Variants in STXBP5 observed in about 807,000 individuals in gnomAD.
The protein encoded by STXBP5 is syntaxin binding protein 5, also known as syntaxin-binding protein 5.
A neutral mutation model predicts 152.4 loss-of-function variants in STXBP5; 50 were observed. The observed-to-expected ratio is 0.33, with a 90% confidence interval of 0.26 to 0.42. STXBP5 has a LOEUF of 0.42. Ranked by LOEUF, STXBP5 falls within the 10% of genes least tolerant of loss-of-function variation. The probability of loss-of-function intolerance (pLI) is 1.00; values close to 1 mark genes in which losing one functional copy is unlikely to be tolerated. For missense variants in STXBP5, 1,167 were observed against 1,388.6 expected (o/e 0.84, Z 2.54); for synonymous variants, 492 against 494.7 (o/e 0.99, Z 0.07).
chr6:147,305,206 C>T (rs1782026797), intron 9 of STXBP5, among the ~76,000 whole-genome samples: 1 of 152,064 alleles, frequency 6.6e-6, no homozygotes. Flanking sequence ...CATTTACATA[C>T]GTATTCACAG....
At chr6:147,351,416 C>T (rs1003119382) in intron 21 of STXBP5, among the ~76,000 whole-genome samples, 1 of 152,166 alleles carries the variant, frequency 6.6e-6, no homozygotes, top group Non-Finnish European at 1.5e-5. Flanking sequence ...ATATCATGCA[C>T]ATTGTATAGA....
At chr6:147,267,253 T>C (rs1285319692) in intron 7 of STXBP5, 86 bp downstream of exon 7, 2 of 1,106,102 alleles carry the variant, frequency 1.8e-6, no homozygotes, top group African/African-American at 3.2e-5. Flanking sequence ...AATTTTACTT[T>C]AGGCAAACTT....
At chr6:147,332,864 A>G (rs1469229064) in intron 18 of STXBP5, among the ~76,000 whole-genome samples, 2 of 152,222 alleles carry the variant, frequency 1.3e-5, no homozygotes, top group African/African-American at 4.8e-5. Flanking sequence ...TAACTATATC[A>G]TATAAGTTTA....
chr6:147,314,631 C>T lies in STXBP5; in HGVS notation c.1397C>T (p.Ser466Phe). Residue 466 changes from serine to phenylalanine, a missense_variant, in exon 14 of 28, where the codon TCT becomes TTT. By Grantham distance (155) the Ser-to-Phe change is radical. This residue lies in a region of STXBP5 where 833 missense variants were observed against 986.3 expected (regional missense o/e 0.84). Transcript: ENST00000321680. Reference sequence around the variant, plus strand: ...GGGTCAGTTAAGTTCTGGGATGCTTCTGCAAGTAAGTATTTTTAATATTCA... The same window carrying T: ...GGGTCAGTTAAGTTCTGGGATGCTTTTGCAAGTAAGTATTTTTAATATTCA... ...ADGSVKFWDA[S>F]AITLQVLYKL... is the part of the protein sequence containing the mutation. 6.2e-7 allele frequency: 1 copy of T among 1,606,534 alleles called. No homozygotes were observed. The highest frequency in any genetic ancestry group is 1.3e-5 in the African/African-American group (1 of 74,756).
At chr6:147,361,793 C>T (rs1456137589) in intron 23 of STXBP5, among the ~76,000 whole-genome samples, 1 of 152,098 alleles carries the variant, frequency 6.6e-6, no homozygotes, top group Non-Finnish European at 1.5e-5. Flanking sequence ...CTCATCAAAA[C>T]TTTAAAGGCG....
At chr6:147,361,366 T>G (rs932070893) in intron 23 of STXBP5, among the ~76,000 whole-genome samples, 6 of 152,126 alleles carry the variant, frequency 3.9e-5, no homozygotes, top group African/African-American at 9.7e-5. Context: ...TAAATCAAAT[T>G]AGCTGTAAAG....
At chr6:147,361,399 A>G (rs1785058829) in intron 23 of STXBP5, among the ~76,000 whole-genome samples, 1 of 152,174 alleles carries the variant, frequency 6.6e-6, no homozygotes, top group Non-Finnish European at 1.5e-5. Context: ...TAACTTTCAT[A>G]TGTAAGAAAG....
In STXBP5 at chr6:147,324,994, A is replaced by G; in HGVS notation, c.1838A>G (p.Tyr613Cys). The change falls in exon 17 of 28, where the codon TAT (tyrosine) becomes TGT (cysteine). Residue 613 changes from tyrosine (Y) to cysteine (C), a missense_variant. Tyr to Cys is a radical substitution (Grantham distance 194). Transcript: ENST00000321680. The stretch of plus-strand genomic sequence containing the variant: ...TCACCACTTAAACAGTCTCCAGGTT[A>G]TCAAACAGAACTAGTTATTCAGTTG... The part of the protein sequence containing the change: ...KNSPLKQSPG[Y>C]QTELVIQLVW... The G allele has an allele frequency of 6.3e-7, 1 of 1,597,238 alleles. No homozygotes were observed. The highest frequency in any genetic ancestry group is 8.5e-7 in the Non-Finnish European group (1 of 1,169,786).
chr6:147,327,691 C>T (rs1400045315), intron 18 of STXBP5, among the ~76,000 whole-genome samples: 1 of 152,198 alleles, frequency 6.6e-6, no homozygotes, highest in South Asian at 2.1e-4. Context: ...GATCCCCTGC[C>T]TCAGCCTCCC....
rs112463383 is a variant in STXBP5 at position 147,363,924 on chromosome 6, G to A, written c.2916-77G>A. 82 of 1,487,278 alleles carry A rather than the reference G, an allele frequency of 5.5e-5. No homozygotes were observed. The African/African-American group carries it at 8.1e-4, about 15-fold the overall frequency. 92.1% of individuals were successfully genotyped at this position (1,487,278 alleles called of 1,614,324 possible). ...AAATCATAAGATTTATGAGGTCTCT[G>A]CCATTTTTAACAATGATAGTGTGTT... On this transcript the variant is annotated intron_variant, in intron 24 of 27. Transcript: ENST00000321680.
At chr6:147,287,853 AT>A (rs1208671271) in intron 8 of STXBP5, among the ~76,000 whole-genome samples, 3 of 152,130 alleles carry the variant, frequency 2.0e-5, no homozygotes, top group Admixed American at 6.5e-5. Context: ...TTCTCAAACC[AT>A]TTTTCAAAAA....
intron 27 of STXBP5, among the ~76,000 whole-genome samples, chr6:147,384,226 C>T (rs1227759471): frequency 6.6e-6 from 1 of 152,008 alleles, no homozygotes; most frequent in Admixed American, 6.6e-5. Flanking sequence ...CTTGGGCAAC[C>T]CCTAGAAGCT....
At chr6:147,271,313 T>C (rs1267053690) in intron 7 of STXBP5, among the ~76,000 whole-genome samples, 1 of 152,116 alleles carries the variant, frequency 6.6e-6, no homozygotes, top group East Asian at 1.9e-4. Flanking sequence ...ACTATATTAA[T>C]ATCAACCAAG....
chr6:147,308,399 T>A (rs1782203123), intron 9 of STXBP5, among the ~76,000 whole-genome samples: 1 of 152,184 alleles, frequency 6.6e-6, no homozygotes, highest in African/African-American at 2.4e-5. Context: ...CAATTAGTGC[T>A]AAAAAATAAA....
At chr6:147,260,782 C>A in intron 5 of STXBP5, 33 bp downstream of exon 5, 1 of 1,608,304 alleles carries the variant, frequency 6.2e-7, no homozygotes, top group South Asian at 1.1e-5. Context: ...TATCTGAAAG[C>A]ATCAGTTCTA....
At chr6:147,311,671 C>T (rs1782383836) in intron 11 of STXBP5, 144 bp downstream of exon 11, 2 of 566,134 alleles carry the variant, frequency 3.5e-6, no homozygotes, top group African/African-American at 3.9e-5. Flanking sequence ...TCCAGACTCA[C>T]ATATCTACTT....
At chr6:147,205,548 G>A (rs1393138439) in intron 1 of STXBP5, among the ~76,000 whole-genome samples, 2 of 152,110 alleles carry the variant, frequency 1.3e-5, no homozygotes, top group East Asian at 3.9e-4. Context: ...TTATATGACA[G>A]CTTTTCCTTA....
chr6:147,370,814 G>T (rs887204121), intron 25 of STXBP5, among the ~76,000 whole-genome samples: 1 of 151,914 alleles, frequency 6.6e-6, no homozygotes. Context: ...TTATTGCTGT[G>T]TGTTTATCCT....
intron 2 of STXBP5, among the ~76,000 whole-genome samples, chr6:147,223,290 G>A (rs1020784564): frequency 6.6e-6 from 1 of 152,162 alleles, no homozygotes; most frequent in African/African-American, 2.4e-5. Flanking sequence ...GCTTTGGATT[G>A]CAAGCACATT....
Sources: allele counts gnomAD v4.1 joint callset (sites outside exome capture counted in the v4.1 genomes callset), GRCh38; gene constraint gnomAD v4.1.1; regional missense constraint gnomAD v4.1.1; transcripts MANE v1.5; gene names NCBI Gene and HGNC (gene_info 2026-07-23, HGNC 2026-07-21).